The following KCTD3 variants were observed in gnomAD, a reference collection of about 807,000 sequenced individuals.
KCTD3 encodes the protein BTB/POZ domain-containing protein KCTD3.
KCTD3 carries 41 observed loss-of-function variants against 85.8 expected under a neutral mutation model. The observed-to-expected ratio is 0.48, with a 90% confidence interval of 0.37 to 0.62. The LOEUF is 0.62. KCTD3 is among the 20% of genes least tolerant of loss of function. The pLI is 0.00. For missense variants in KCTD3, 724 were observed against 989.9 expected (o/e 0.73, Z 3.60); for synonymous variants, 338 against 345.4 (o/e 0.98, Z 0.24).
chr1:215,599,724 T>C (rs1414171075), intron 10 of KCTD3, among the ~76,000 whole-genome samples: 3 of 152,120 alleles, frequency 2.0e-5, no homozygotes, highest in Admixed American at 6.5e-5. Context: ...TTTCTCTGTT[T>C]TCCCGTATGG....
intron 1 of KCTD3, among the ~76,000 whole-genome samples, chr1:215,570,263 G>GA (rs917212341): frequency 2.0e-5 from 3 of 151,492 alleles, no homozygotes; most frequent in Non-Finnish European, 4.4e-5. Flanking sequence ...GAATAGACAT[G>GA]AAAATGGATA....
intron 15 of KCTD3, among the ~76,000 whole-genome samples, chr1:215,612,981 G>C (rs1209329415): frequency 6.6e-6 from 1 of 152,086 alleles, no homozygotes; most frequent in East Asian, 1.9e-4. Context: ...GAGCCTGTTG[G>C]GGGTGAGCGG....
At chr1:215,599,200 G>C (rs1458014901) in intron 10 of KCTD3, among the ~76,000 whole-genome samples, 1 of 151,984 alleles carries the variant, frequency 6.6e-6, no homozygotes, top group Non-Finnish European at 1.5e-5. Flanking sequence ...TTTTCAGAGA[G>C]AATTTTTGAA....
intron 1 of KCTD3, among the ~76,000 whole-genome samples, chr1:215,568,564 A>G (rs751668804): frequency 2.2e-5 from 3 of 133,906 alleles, no homozygotes; most frequent in South Asian, 4.5e-4. Flanking sequence ...TGGATTTCCT[A>G]TAACTTATGA....
chr1:215,601,578 G>A (rs557839868), intron 10 of KCTD3, among the ~76,000 whole-genome samples: 5 of 152,032 alleles, frequency 3.3e-5, no homozygotes, highest in Non-Finnish European at 7.4e-5. Context: ...GTGATCACAT[G>A]CAAAAAAAGA....
At chr1:215,600,748 A>G (rs1654799386) in intron 10 of KCTD3, among the ~76,000 whole-genome samples, 1 of 152,108 alleles carries the variant, frequency 6.6e-6, no homozygotes, top group East Asian at 1.9e-4. Flanking sequence ...GTCCCTTAAC[A>G]TTTTTAACTT....
At chr1:215,581,929 G>T (rs1451935185) in intron 8 of KCTD3, among the ~76,000 whole-genome samples, 2 of 152,128 alleles carry the variant, frequency 1.3e-5, no homozygotes, top group African/African-American at 2.4e-5. Flanking sequence ...TTTAAAAAAA[G>T]AGTAGTACAG....
intron 6 of KCTD3, 71 bp downstream of exon 6, chr1:215,578,152 A>T (rs1427799109): frequency 5.8e-6 from 7 of 1,207,988 alleles, no homozygotes; most frequent in Non-Finnish European, 8.3e-6. Flanking sequence ...TATGAATAGG[A>T]AAAACTGCTC....
chr1:215,596,419 T>TA (rs1460114777), intron 10 of KCTD3, among the ~76,000 whole-genome samples: 6 of 152,252 alleles, frequency 3.9e-5, no homozygotes, highest in African/African-American at 1.4e-4. Context: ...ATTTATGTGA[T>TA]AAAAAATTAA....
intron 15 of KCTD3, chr1:215,618,364 G>C (rs550336888): frequency 6.0e-6 from 1 of 167,670 alleles, no homozygotes; most frequent in East Asian, 1.8e-4. Context: ...TTCTATTCCT[G>C]TATGCTTCTC....
At chr1:215,593,907 C>G (rs1660314457) in intron 9 of KCTD3, among the ~76,000 whole-genome samples, 1 of 139,942 alleles carries the variant, frequency 7.1e-6, no homozygotes, top group South Asian at 2.2e-4. Flanking sequence ...GTCACCCAGG[C>G]TGGAGTGCAG....
intron 1 of KCTD3, 22 bp downstream of exon 1, chr1:215,567,790 T>C: frequency 8.1e-7 from 1 of 1,234,358 alleles, no homozygotes. Context: ...GGTAGCGGGC[T>C]TGCAGCGGGG....
intron 1 of KCTD3, among the ~76,000 whole-genome samples, chr1:215,569,538 C>T (rs1659284536): frequency 6.6e-6 from 1 of 151,536 alleles, no homozygotes; most frequent in Non-Finnish European, 1.5e-5. Context: ...TTATTAGAGA[C>T]TGCAGAATTC....
intron 2 of KCTD3, 52 bp downstream of exon 2, chr1:215,573,891 TATA>T (rs1558227373): frequency 1.1e-5 from 13 of 1,174,170 alleles, no homozygotes; most frequent in African/African-American, 1.6e-5. Context: ...TTTACCAAAA[TATA>T]ATAATGTTTG....
At position 215,604,138 on chromosome 1, in the gene KCTD3, G is replaced by C. The variant is rs1226328807; in HGVS notation, c.1145G>C (p.Ser382Thr). ...SVYLTPKTSV[S>T]GNWIEIAYGT... ...AACTCTTGACTTTATATAGGTGTCA[G>C]TGGTAACTGGATCGAGATCGCCTAT... The change falls in exon 13 of 18, where the codon AGT (serine) becomes ACT (threonine). Residue 382 changes from serine to threonine, a missense_variant. This residue lies in a region of KCTD3 where 146 missense variants were observed against 320.3 expected (regional missense o/e 0.46). Transcript: ENST00000259154. The C allele has an allele frequency of 6.2e-7, 1 of 1,611,258 alleles. No homozygotes were observed. Among genetic ancestry groups the C allele is most frequent in the South Asian group, 1.1e-5 (1 of 90,590 alleles).
rs755286981 is a variant in KCTD3, at chr1:215,567,736, C to T, written c.51C>T (p.Gly17=). ...TCCCCGCGGCGGCGGCCGGCAGCGGCGAGATCGTCCAACTGAACGTAGGGG... is the reference window on the plus strand; with the variant it reads ...TCCCCGCGGCGGCGGCCGGCAGCGGTGAGATCGTCCAACTGAACGTAGGGG... ...GSFPAAAAGS[G]EIVQLNVGGT... The change falls in exon 1 of 18, where the codon GGC becomes GGT. Residue 17 remains glycine (G), a synonymous_variant. Coordinates refer to ENST00000259154, the MANE Select transcript of KCTD3 (RefSeq NM_016121.5). The T allele has an allele frequency of 2.4e-6, 3 of 1,244,104 alleles. No individual in the cohort carries two copies. The highest frequency in any genetic ancestry group is 3.0e-6 in the Non-Finnish European group (3 of 988,266). 77.1% of individuals were successfully genotyped at this position (1,244,104 alleles called of 1,614,324 possible).
chr1:215,612,425 C>A (rs1655268413), intron 15 of KCTD3, among the ~76,000 whole-genome samples: 3 of 151,942 alleles, frequency 2.0e-5, no homozygotes, highest in Admixed American at 2.0e-4. Context: ...TATTTTAGAC[C>A]TATTTCCATC....
At position 215,577,742 on chromosome 1, in the gene KCTD3, T is replaced by C; in HGVS notation, c.316+14T>C. On this transcript the variant is annotated intron_variant, in intron 5 of 17. Coordinates refer to ENST00000259154, the MANE Select transcript of KCTD3 (RefSeq NM_016121.5). ...TCACTCCATTAGGTATGTGCTCTTT[T>C]AATATTTGGTGTTTATGATTTGACT... is the stretch of plus-strand genomic sequence containing the variant. 1 of 1,561,214 alleles carries C rather than the reference T, an allele frequency of 6.4e-7. No homozygotes were observed.
chr1:215,576,785 G>T (rs1261937485), intron 4 of KCTD3, among the ~76,000 whole-genome samples: 3 of 151,414 alleles, frequency 2.0e-5, no homozygotes, highest in Non-Finnish European at 2.9e-5. Context: ...AGTCATGATG[G>T]TCTCCATCTC....
Sources: allele counts gnomAD v4.1 joint callset (sites outside exome capture counted in the v4.1 genomes callset), GRCh38; gene constraint gnomAD v4.1.1; regional missense constraint gnomAD v4.1.1; transcripts MANE v1.5; gene names NCBI Gene and HGNC (gene_info 2026-07-23, HGNC 2026-07-21).